Variants in TTLL5 observed in about 807,000 individuals in gnomAD.
TTLL5 encodes the protein tubulin tyrosine ligase like 5.
In TTLL5, 132 loss-of-function variants were observed where a neutral mutation model predicts 168.4. The observed-to-expected ratio is 0.78, with a 90% CI of 0.68 to 0.91. TTLL5 has a LOEUF of 0.91. Among genes scored for constraint, TTLL5 ranks in the 40% least tolerant of loss-of-function variants. The probability of loss-of-function intolerance (pLI) is 0.00; values close to 1 mark genes in which losing one functional copy is unlikely to be tolerated. For missense variants in TTLL5, 1,545 were observed against 1,581.5 expected (o/e 0.98, Z 0.39); for synonymous variants, 546 against 558.6 (o/e 0.98, Z 0.32).
At chr14:75,865,950 A>G (rs1365212988) in intron 29 of TTLL5, among the ~76,000 whole-genome samples, 1 of 152,158 alleles carries the variant, frequency 6.6e-6, no homozygotes, top group Non-Finnish European at 1.5e-5. Flanking sequence ...GTGTAACATT[A>G]TTTCTTCTCC....
chr14:75,752,325 A>G (rs901059963), intron 17 of TTLL5, among the ~76,000 whole-genome samples: 1 of 152,178 alleles, frequency 6.6e-6, no homozygotes, highest in Non-Finnish European at 1.5e-5. Context: ...GACTTGGCTG[A>G]CTGTACTGCA....
At chr14:75,827,075 T>G (rs923746411) in intron 28 of TTLL5, among the ~76,000 whole-genome samples, 4 of 152,238 alleles carry the variant, frequency 2.6e-5, no homozygotes, top group Non-Finnish European at 5.9e-5. Context: ...AATAAAACTA[T>G]AGAACTATAT....
intron 31 of TTLL5, chr14:75,904,218 G>T (rs1470220411): frequency 6.8e-6 from 8 of 1,174,766 alleles, no homozygotes; most frequent in Non-Finnish European, 8.6e-6. Context: ...AAAAAAAAAG[G>T]AAAGAAAAAA....
chr14:75,745,066 T>G (rs775620652), intron 15 of TTLL5, 29 bp from the exon 16 acceptor site: 1 of 1,595,432 alleles, frequency 6.3e-7, no homozygotes, highest in East Asian at 2.3e-5. Context: ...AAAAAATTTT[T>G]TTTACTATTT....
At chr14:75,863,434 G>T (rs1259990811) in intron 28 of TTLL5, among the ~76,000 whole-genome samples, 3 of 152,118 alleles carry the variant, frequency 2.0e-5, no homozygotes, top group African/African-American at 7.2e-5. Flanking sequence ...TTGACTGTGT[G>T]CCAGGCCTTA....
intron 31 of TTLL5, among the ~76,000 whole-genome samples, chr14:75,940,628 A>G (rs1595306720): frequency 1.3e-5 from 2 of 152,336 alleles, no homozygotes; most frequent in East Asian, 3.9e-4. Context: ...AAGTATTCTT[A>G]TGCCAAAAAA....
intron 15 of TTLL5, among the ~76,000 whole-genome samples, chr14:75,737,370 A>G (rs1359112357): frequency 6.6e-6 from 1 of 152,200 alleles, no homozygotes; most frequent in African/African-American, 2.4e-5. Context: ...TGAAGCTGGA[A>G]TATATATGGC....
At chr14:75,663,255 G>A (rs1224000155) in intron 2 of TTLL5, 32 bp downstream of exon 2, 1 of 1,585,268 alleles carries the variant, frequency 6.3e-7, no homozygotes, top group African/African-American at 1.3e-5. Flanking sequence ...TTCAACCTGT[G>A]CTTTGTACTC....
In TTLL5 at chr14:75,733,213, G is replaced by A. The variant is rs550221392; in HGVS notation, c.1125-776G>A. ...ATGCTTCAGATGTTATGCAACTTTC[G>A]TCAAGTCAGCCTTTTGCAGGTTGCC... On this transcript the variant is annotated intron_variant, in intron 13 of 31. Transcript: ENST00000298832. Among the ~76,000 whole-genome samples the A allele has an allele frequency of 1.1e-3, 164 of 152,274 alleles. 1 individual carries two copies. The highest frequency in any genetic ancestry group is 1.8e-3 in the Non-Finnish European group (122 of 68,016).
At chr14:75,812,316 C>G (rs1375921050) in intron 27 of TTLL5, among the ~76,000 whole-genome samples, 1 of 152,104 alleles carries the variant, frequency 6.6e-6, no homozygotes, top group Non-Finnish European at 1.5e-5. Context: ...GATCTTGTGA[C>G]CAGATTTCCC....
At position 75,745,061 on chromosome 14, in the gene TTLL5, A is replaced by T. The variant is rs151227507; in HGVS notation, c.1282-34A>T. On this transcript the variant is annotated intron_variant, in intron 15 of 31. Transcript: ENST00000298832. Reference sequence around the variant, plus strand: ...ATGAGGAGTAATGAAAACTTAAAAAATTTTTTTTACTATTTTCATTTTCTT... The same window carrying T: ...ATGAGGAGTAATGAAAACTTAAAAATTTTTTTTTACTATTTTCATTTTCTT... 3.9e-3 allele frequency: 6,146 copies of T among 1,581,474 alleles called. 17 individuals are homozygous for T. Among genetic ancestry groups the T allele is most frequent in the Non-Finnish European group, 4.9e-3 (5,634 of 1,159,832 alleles).
At chr14:75,681,205 G>A (rs1790919349) in intron 3 of TTLL5, among the ~76,000 whole-genome samples, 1 of 152,088 alleles carries the variant, frequency 6.6e-6, no homozygotes, top group African/African-American at 2.4e-5. Flanking sequence ...GAGATATACT[G>A]TAAAATAATA....
intron 26 of TTLL5, among the ~76,000 whole-genome samples, chr14:75,789,104 A>G (rs1045380542): frequency 2.2e-4 from 33 of 152,212 alleles, no homozygotes; most frequent in African/African-American, 7.0e-4. Flanking sequence ...TCTTAAAAAA[A>G]GGGTATTTGC....
intron 31 of TTLL5, among the ~76,000 whole-genome samples, chr14:75,949,454 C>A: frequency 8.4e-6 from 1 of 119,380 alleles, no homozygotes; most frequent in African/African-American, 3.1e-5. Flanking sequence ...TATTCTATAT[C>A]CTATATATAT....
chr14:75,824,464 C>T (rs1595103664), intron 28 of TTLL5, among the ~76,000 whole-genome samples: 1 of 151,732 alleles, frequency 6.6e-6, no homozygotes, highest in South Asian at 2.1e-4. Flanking sequence ...GTCGTATGCT[C>T]AGTGAAGCCA....
intron 30 of TTLL5, among the ~76,000 whole-genome samples, chr14:75,895,418 C>T (rs1171185501): frequency 6.6e-6 from 1 of 152,038 alleles, no homozygotes; most frequent in Non-Finnish European, 1.5e-5. Context: ...TCAGCACATA[C>T]TATGTCACAA....
Position 75,895,864 on chromosome 14 carries a change from C to T in TTLL5, c.3741-6278C>T, listed in dbSNP as rs144006624. On this transcript the variant is annotated intron_variant, in intron 30 of 31. Coordinates refer to ENST00000298832, the MANE Select transcript of TTLL5 (RefSeq NM_015072.5). ...GCAGAACATTAGAGAACAGTGCTTC[C>T]AACTGTATCTGGCATGTGGTAGGGG... is the stretch of plus-strand genomic sequence containing the variant. Among the ~76,000 whole-genome samples the T allele has an allele frequency of 2.2e-3, 329 of 152,214 alleles. 4 individuals carry two copies. The highest frequency in any genetic ancestry group is 7.7e-3 in the African/African-American group (320 of 41,532).
chr14:75,826,296 T>TACAC (rs57519882), intron 28 of TTLL5, among the ~76,000 whole-genome samples: 3,388 of 139,384 alleles, frequency 0.024, 73 homozygotes, highest in African/African-American at 0.045. Context: ...AGGATACGCG[T>TACAC]ACACACACAC....
intron 31 of TTLL5, among the ~76,000 whole-genome samples, chr14:75,947,978 A>G (rs2034830030): frequency 6.6e-6 from 1 of 152,050 alleles, no homozygotes; most frequent in Admixed American, 6.6e-5. Context: ...TACATCATTA[A>G]CAGGCTTGAT....
Sources: gnomAD v4.1 joint callset for allele counts (sites outside exome capture counted in the v4.1 genomes callset) on GRCh38, gnomAD v4.1.1 for gene constraint, MANE v1.5 for transcripts, NCBI Gene and HGNC (gene_info 2026-07-23, HGNC 2026-07-21) for gene names.